TOPAZ1: variants seen among roughly 807,000 people sequenced by gnomAD.
TOPAZ1 encodes the protein testis and ovary specific TOPAZ 1.
TOPAZ1 carries 66 observed loss-of-function variants against 172.2 expected under a neutral mutation model. That is an observed-to-expected ratio of 0.38 (90% confidence interval 0.31 to 0.47). The LOEUF (loss-of-function observed/expected upper bound fraction) is 0.47. Ranked by LOEUF, TOPAZ1 falls within the 20% of genes least tolerant of loss-of-function variation. The probability of loss-of-function intolerance (pLI) is 0.99; values close to 1 mark genes in which losing one functional copy is unlikely to be tolerated. For synonymous variants in TOPAZ1, 681 were observed against 683.9 expected, an observed-to-expected ratio of 1.00 and a Z score of 0.07; for missense variants, 1,822 against 1,972.4, an observed-to-expected ratio of 0.92 and a Z score of 1.44.
At chr3:44,273,640 C>G (rs1002909185) in intron 8 of TOPAZ1, among the ~76,000 whole-genome samples, 5 of 152,162 alleles carry the variant, frequency 3.3e-5, no homozygotes, top group Non-Finnish European at 5.9e-5. Flanking sequence ...ATGCTCCAAT[C>G]ACACCATCCT....
chr3:44,255,727 A>G (rs1490636199), intron 3 of TOPAZ1, among the ~76,000 whole-genome samples: 1 of 146,240 alleles, frequency 6.8e-6, no homozygotes, highest in Non-Finnish European at 1.5e-5. Context: ...ACACATATAT[A>G]TATGGTTAAC....
At chr3:44,246,959 T>A (rs765265435) in intron 2 of TOPAZ1, among the ~76,000 whole-genome samples, 1 of 152,182 alleles carries the variant, frequency 6.6e-6, no homozygotes. Context: ...AGTGACAAGA[T>A]GTTGACAGTG....
Position 44,245,136 on chromosome 3 carries a change from C to T in TOPAZ1, c.2630C>T (p.Ser877Phe). 1 of 1,551,986 alleles carries T rather than the reference C, an allele frequency of 6.4e-7. No homozygotes were observed. Among genetic ancestry groups the T allele is most frequent in the South Asian group, 1.2e-5 (1 of 84,056 alleles). Residue 877 changes from serine (S) to phenylalanine (F), a missense_variant, in exon 2 of 20, where the codon TCC becomes TTC. By Grantham distance (155) the Ser-to-Phe change is radical. Around this residue, in one of 2 missense-constraint regions of TOPAZ1, gnomAD observed 1,489 missense variants for 1,490.8 expected, o/e 1.00. Transcript: ENST00000309765. Reference protein sequence around the residue: ...IQDDPDLFGVSNEGELSFTSE... With the variant: ...IQDDPDLFGVFNEGELSFTSE... ...GATGACCCAGACCTCTTTGGAGTCT[C>T]CAATGAAGGGGAGCTCTCATTTACT...
At chr3:44,307,859 T>C (rs1166870486) in intron 15 of TOPAZ1, among the ~76,000 whole-genome samples, 1 of 152,004 alleles carries the variant, frequency 6.6e-6, no homozygotes, top group Non-Finnish European at 1.5e-5. Context: ...AGGCCTGGAG[T>C]AGGCAAGGTG....
intron 5 of TOPAZ1, 25 bp downstream of exon 5, chr3:44,262,508 A>G (rs1699786320): frequency 1.7e-6 from 2 of 1,156,698 alleles, no homozygotes; most frequent in Non-Finnish European, 2.5e-6. Context: ...TCTTAATTAC[A>G]TAACTTAAAA....
At chr3:44,250,866 G>T (rs573568418) in intron 2 of TOPAZ1, among the ~76,000 whole-genome samples, 13 of 152,074 alleles carry the variant, frequency 8.5e-5, no homozygotes, top group African/African-American at 3.1e-4. Flanking sequence ...AAACAGTATT[G>T]TACGTGATTG....
chr3:44,264,199 A>G (rs1363889576), intron 5 of TOPAZ1, among the ~76,000 whole-genome samples: 1 of 152,184 alleles, frequency 6.6e-6, no homozygotes, highest in East Asian at 1.9e-4. Context: ...CCACTTAAGA[A>G]GTGCTGGTTT....
At chr3:44,321,337 T>C (rs184668782) in intron 17 of TOPAZ1, 146 bp downstream of exon 17, 146 of 604,292 alleles carry the variant, frequency 2.4e-4, no homozygotes, top group African/African-American at 1.6e-3. Flanking sequence ...ATATGTTCTC[T>C]GCAAATTGAA....
rs1410693881 is a variant in TOPAZ1, at chr3:44,262,452, G to C, written c.2989G>C (p.Glu997Gln). ...TACAGACAAAGTGATTACCAAAGAAGAAAAAGAAAATATTTATGAAGTTTG... is the reference window on the plus strand; with the variant it reads ...TACAGACAAAGTGATTACCAAAGAACAAAAAGAAAATATTTATGAAGTTTG... ...RFTDKVITKE[E>Q]KENIYEVCKS... The change falls in exon 5 of 20, where the codon GAA becomes CAA. Residue 997 changes from glutamate to glutamine, a missense_variant. This residue lies in a region of TOPAZ1 where 1,489 missense variants were observed against 1,490.8 expected (regional missense o/e 1.00). Coordinates refer to ENST00000309765, the MANE Select transcript of TOPAZ1 (RefSeq NM_001145030.2). 1.3e-6 allele frequency: 2 copies of C among 1,485,972 alleles called. No homozygotes were observed. The highest frequency in any genetic ancestry group is 5.0e-5 in the East Asian group (2 of 40,044). The allele number at this position is 1,485,972 out of a possible 1,614,324, so 92.0% of individuals were successfully genotyped here.
At chr3:44,335,980 T>C (rs1368992453), downstream of TOPAZ1, among the ~76,000 whole-genome samples, 1 of 152,212 alleles carries the variant, frequency 6.6e-6, no homozygotes, top group Admixed American at 6.5e-5. Flanking sequence ...TACAAAGGCT[T>C]TTTCACTGGG....
intron 16 of TOPAZ1, among the ~76,000 whole-genome samples, chr3:44,318,377 G>C (rs28566631): frequency 2.0e-5 from 3 of 151,898 alleles, no homozygotes; most frequent in Non-Finnish European, 4.4e-5. Flanking sequence ...ACTTGAACCC[G>C]GGAGGCGGAG....
chr3:44,265,871 C>T lies in TOPAZ1; in HGVS notation c.3021-1126C>T, dbSNP rs530243337. ...CTTAACAAGAGAGAGCCAGTCTATTCGTTGAATCTTTGTAGCCAGGCATTA... is the reference window on the plus strand; with the variant it reads ...CTTAACAAGAGAGAGCCAGTCTATTTGTTGAATCTTTGTAGCCAGGCATTA... On this transcript the variant is annotated intron_variant, in intron 5 of 19. Transcript: ENST00000309765. Among the ~76,000 whole-genome samples, 65 of 152,262 alleles carry T rather than the reference C, an allele frequency of 4.3e-4. 1 individual carries two copies. The highest frequency in any genetic ancestry group is 1.5e-3 in the African/African-American group (62 of 41,562).
chr3:44,282,094 G>C, intron 9 of TOPAZ1, 63 bp downstream of exon 9: 1 of 1,137,280 alleles, frequency 8.8e-7, no homozygotes, highest in Non-Finnish European at 1.3e-6. Context: ...TAGTTTAAAA[G>C]TAAATTCAAT....
At chr3:44,267,615 A>G (rs1344838962) in intron 6 of TOPAZ1, among the ~76,000 whole-genome samples, 1 of 152,126 alleles carries the variant, frequency 6.6e-6, no homozygotes, top group Non-Finnish European at 1.5e-5. Context: ...TTTTGATGGA[A>G]CAACGTGTGA....
intron 12 of TOPAZ1, among the ~76,000 whole-genome samples, chr3:44,302,224 C>T (rs977673771): frequency 6.6e-6 from 1 of 152,112 alleles, no homozygotes; most frequent in Admixed American, 6.5e-5. Flanking sequence ...TTCTGGCTAA[C>T]ATGGTGAAGC....
rs1699503565 is a variant in TOPAZ1 at position 44,242,927 on chromosome 3, T to A, written c.421T>A (p.Ser141Thr). 1 of 1,547,852 alleles carries A rather than the reference T, an allele frequency of 6.5e-7. No individual in the cohort carries two copies. Among genetic ancestry groups the A allele is most frequent in the African/African-American group, 1.4e-5 (1 of 72,978 alleles). The change falls in exon 2 of 20, where the codon TCA (serine) becomes ACA (threonine). Residue 141 changes from serine to threonine, a missense_variant. This residue lies in a region of TOPAZ1 where 1,489 missense variants were observed against 1,490.8 expected (regional missense o/e 1.00). Coordinates refer to ENST00000309765, the MANE Select transcript of TOPAZ1 (RefSeq NM_001145030.2). ...QPGLDLVRKE[S>T]LTSSESFQTV... ...AGGGCTTGACTTGGTAAGAAAGGAATCATTAACCAGTTCGGAATCTTTCCA... is the reference window on the plus strand; with the variant it reads ...AGGGCTTGACTTGGTAAGAAAGGAAACATTAACCAGTTCGGAATCTTTCCA...
Position 44,331,941 on chromosome 3 carries a change from G to T in TOPAZ1, c.5009G>T (p.Cys1670Phe), listed in dbSNP as rs1286809065. 2.6e-6 allele frequency: 4 copies of T among 1,550,928 alleles called. No homozygotes were observed. The highest frequency in any genetic ancestry group is 2.7e-5 in the African/African-American group (2 of 72,848). ...NKEQVYSLEH[C>F]SALKWLKENM... is the part of the protein sequence containing the mutation. ...GAACAGGTTTATAGTTTGGAACATTGTTCTGCCCTGAAATGGTTAAAAGAG... is the reference window on the plus strand; with the variant it reads ...GAACAGGTTTATAGTTTGGAACATTTTTCTGCCCTGAAATGGTTAAAAGAG... The change falls in exon 20 of 20, where the codon TGT (cysteine) becomes TTT (phenylalanine). Residue 1670 changes from cysteine to phenylalanine, a missense_variant. Coordinates refer to ENST00000309765, the MANE Select transcript of TOPAZ1 (RefSeq NM_001145030.2).
At chr3:44,294,269 G>A (rs1049745035) in intron 12 of TOPAZ1, among the ~76,000 whole-genome samples, 1 of 151,802 alleles carries the variant, frequency 6.6e-6, no homozygotes, top group African/African-American at 2.4e-5. Context: ...GCCATCAAAC[G>A]ACGCATGACT....
chr3:44,330,377 T>C (rs1211574573), intron 19 of TOPAZ1, among the ~76,000 whole-genome samples: 2 of 152,226 alleles, frequency 1.3e-5, no homozygotes, highest in African/African-American at 4.8e-5. Context: ...CATACCTAAA[T>C]CTTTGATTTT....
Sources: allele counts gnomAD v4.1 joint callset (sites outside exome capture counted in the v4.1 genomes callset), GRCh38; gene constraint gnomAD v4.1.1; regional missense constraint gnomAD v4.1.1; transcripts MANE v1.5; gene names NCBI Gene and HGNC (gene_info 2026-07-23, HGNC 2026-07-21).